OLFM2: variants seen among roughly 807,000 people sequenced by gnomAD.
The protein encoded by OLFM2 is noelin-2.
In OLFM2, 20 loss-of-function variants were observed where a neutral mutation model predicts 43.9. That is an observed-to-expected ratio of 0.46 (90% CI 0.32 to 0.66). The LOEUF (loss-of-function observed/expected upper bound fraction) is 0.66, where lower values mean the gene tolerates loss of function less well. OLFM2 is among the 30% of genes least tolerant of loss of function. The pLI is 0.04. For missense variants in OLFM2, 416 were observed against 643.6 expected, an observed-to-expected ratio of 0.65 and a Z score of 3.83; for synonymous variants, 268 against 278.6, an observed-to-expected ratio of 0.96 and a Z score of 0.38.
intron 1 of OLFM2, among the ~76,000 whole-genome samples, chr19:9,869,595 T>G (rs2046427707): frequency 6.6e-6 from 1 of 152,182 alleles, no homozygotes; most frequent in African/African-American, 2.4e-5. Flanking sequence ...TAGTAAGAGC[T>G]ACACAAGTGT....
At chr19:9,916,211 G>A (rs537933466) in intron 1 of OLFM2, among the ~76,000 whole-genome samples, 1 of 152,154 alleles carries the variant, frequency 6.6e-6, no homozygotes, top group African/African-American at 2.4e-5. Flanking sequence ...ACAAAAGTTA[G>A]CCGGGTATGG....
At chr19:9,859,395 C>T (rs959487113) in intron 2 of OLFM2, among the ~76,000 whole-genome samples, 1 of 152,140 alleles carries the variant, frequency 6.6e-6, no homozygotes, top group Non-Finnish European at 1.5e-5. Flanking sequence ...CAGCTCACTG[C>T]AACCTCCACC....
intron 1 of OLFM2, among the ~76,000 whole-genome samples, chr19:9,888,882 C>G (rs959719912): frequency 2.0e-5 from 3 of 151,808 alleles, no homozygotes; most frequent in Non-Finnish European, 2.9e-5. Flanking sequence ...CTGGCTAACA[C>G]GGTGAAACCC....
chr19:9,867,649 A>G (rs2046412767), intron 1 of OLFM2, among the ~76,000 whole-genome samples: 2 of 152,194 alleles, frequency 1.3e-5, no homozygotes, highest in Non-Finnish European at 2.9e-5. Flanking sequence ...GGATATGTAA[A>G]ATACCATAAG....
chr19:9,860,548 T>G, intron 2 of OLFM2, 97 bp downstream of exon 2: 2 of 1,341,458 alleles, frequency 1.5e-6, no homozygotes, highest in African/African-American at 1.5e-5. Context: ...TTTGCATAGC[T>G]GGATATGGCC....
At position 9,854,440 on chromosome 19, in the gene OLFM2, C is replaced by G; in HGVS notation, c.1111G>C (p.Gly371Arg). 1.2e-6 allele frequency: 2 copies of G among 1,614,206 alleles called. No individual in the cohort carries two copies. The highest frequency in any genetic ancestry group is 1.7e-6 in the Non-Finnish European group (2 of 1,180,050). ...WDTGYPKRSA[G>R]EAFMICGVLY... ...ACACCGCAGATCATGAAGGCCTCGC[C>G]AGCGCTGCGCTTGGGGTAGCCGGTG... Residue 371 changes from glycine to arginine, a missense_variant, in exon 6 of 6, where the codon GGC becomes CGC. Transcript: ENST00000264833. The surrounding 1 kb of genome is among the most constrained non-coding windows in gnomAD (Gnocchi z 9.5).
intron 1 of OLFM2, among the ~76,000 whole-genome samples, chr19:9,885,625 G>T (rs188565419): frequency 6.6e-6 from 1 of 152,284 alleles, no homozygotes; most frequent in East Asian, 1.9e-4. Context: ...ACTCCCAGGG[G>T]CAGCTAATGA....
At position 9,857,256 on chromosome 19, in the gene OLFM2, G is replaced by A. The variant is rs1282078001; in HGVS notation, c.580+7C>T. 6.2e-7 allele frequency: 1 copy of A among 1,612,872 alleles called. No individual in the cohort carries two copies. The highest frequency in any genetic ancestry group is 1.3e-5 in the African/African-American group (1 of 74,918). ...ATCAGGGGTCAGGGTCAAGGGCCAAGGCATACCCAGCTTCTGGGCGCAGGC... is the reference window on the plus strand; with the variant it reads ...ATCAGGGGTCAGGGTCAAGGGCCAAAGCATACCCAGCTTCTGGGCGCAGGC... On this transcript the variant is annotated splice_region_variant and intron_variant, in intron 4 of 5. Coordinates refer to ENST00000264833, the MANE Select transcript of OLFM2 (RefSeq NM_058164.4). This position sits in a 1 kb window ranked among gnomAD's most constrained non-coding sequence, Gnocchi z 5.7.
chr19:9,911,862 T>G (rs1004207642), intron 1 of OLFM2, among the ~76,000 whole-genome samples: 6 of 152,194 alleles, frequency 3.9e-5, no homozygotes, highest in Non-Finnish European at 1.5e-5. Flanking sequence ...CCTTCTCAGA[T>G]GGCAACGGCA....
chr19:9,925,425 A>G (rs1358014099), intron 1 of OLFM2, among the ~76,000 whole-genome samples: 2 of 152,096 alleles, frequency 1.3e-5, no homozygotes, highest in Non-Finnish European at 2.9e-5. Flanking sequence ...TAGTTCTTCA[A>G]AAACTTAAAA....
rs183850992 is a variant in OLFM2 at position 9,904,660 on chromosome 19, G to A, written c.63+31644C>T. 6.0e-4 allele frequency among the ~76,000 whole-genome samples: 91 copies of A among 152,102 alleles called. 1 individual carries two copies. Among genetic ancestry groups the A allele is most frequent in the African/African-American group, 2.1e-3 (87 of 41,496 alleles). On this transcript the variant is annotated intron_variant, in intron 1 of 5. Transcript: ENST00000264833. The stretch of plus-strand genomic sequence containing the variant: ...TAGGACTAGAGAGATGAGGAAAACT[G>A]GGGACTCTGAAGCCACACACTGGGG...
chr19:9,856,805 A>T lies in OLFM2; in HGVS notation c.687+2T>A. 1 of 1,611,972 alleles carries T rather than the reference A, an allele frequency of 6.2e-7. No individual in the cohort carries two copies. Among genetic ancestry groups the T allele is most frequent in the Non-Finnish European group, 8.5e-7 (1 of 1,179,108 alleles). On this transcript the variant is annotated splice_donor_variant, in intron 5 of 5. Transcript: ENST00000264833. LOFTEE classifies it high-confidence loss of function. This position sits in a 1 kb window ranked among gnomAD's most constrained non-coding sequence, Gnocchi z 4.0. Reference sequence around the variant, plus strand: ...ACCCCAGGGGTGGGCGCAGTCACTCACCCGGCTATCCGCACTGGGGGCCAT... The same window carrying T: ...ACCCCAGGGGTGGGCGCAGTCACTCTCCCGGCTATCCGCACTGGGGGCCAT...
chr19:9,890,166 G>A (rs116304688), intron 1 of OLFM2, among the ~76,000 whole-genome samples: 24,515 of 151,982 alleles, frequency 0.16, 2,484 homozygotes, highest in African/African-American at 0.29. Flanking sequence ...CTGGGCTGGT[G>A]GAGACATCTA....
chr19:9,866,750 C>G (rs1226142407), intron 1 of OLFM2, among the ~76,000 whole-genome samples: 3 of 152,088 alleles, frequency 2.0e-5, no homozygotes, highest in Non-Finnish European at 4.4e-5. Context: ...CCGCCTTGGC[C>G]TCCCAAAGTG....
chr19:9,858,279 G>C, intron 2 of OLFM2: 1 of 275,834 alleles, frequency 3.6e-6, no homozygotes, highest in Non-Finnish European at 6.5e-6. Context: ...CAGACTCTAA[G>C]CTCCTTCCTT....
Position 9,930,582 on chromosome 19 carries a change from C to T in OLFM2, c.63+5722G>A, listed in dbSNP as rs146966499. Among the ~76,000 whole-genome samples the T allele has an allele frequency of 4.4e-3, 674 of 151,762 alleles. 7 individuals are homozygous for T. Among genetic ancestry groups the T allele is most frequent in the Non-Finnish European group, 8.2e-3 (558 of 67,936 alleles). ...GAAATAGGCCCGGCACCGTGGCTCA[C>T]GCCTGTAATCCCAGCACTTTGGGAG... On this transcript the variant is annotated intron_variant, in intron 1 of 5. Coordinates refer to ENST00000264833, the MANE Select transcript of OLFM2 (RefSeq NM_058164.4).
At position 9,857,236 on chromosome 19, in the gene OLFM2, G is replaced by T; in HGVS notation, c.580+27C>A. The T allele has an allele frequency of 1.3e-6, 2 of 1,599,654 alleles. No individual in the cohort carries two copies. Among genetic ancestry groups the T allele is most frequent in the South Asian group, 1.1e-5 (1 of 90,808 alleles). On this transcript the variant is annotated intron_variant, in intron 4 of 5. Coordinates refer to ENST00000264833, the MANE Select transcript of OLFM2 (RefSeq NM_058164.4). The surrounding 1 kb of genome is among the most constrained non-coding windows in gnomAD (Gnocchi z 5.7). Reference sequence around the variant, plus strand: ...GTTGGGTGTGGCAGTCAGAGATCAGGGGTCAGGGTCAAGGGCCAAGGCATA... The same window carrying T: ...GTTGGGTGTGGCAGTCAGAGATCAGTGGTCAGGGTCAAGGGCCAAGGCATA...
At chr19:9,864,893 A>T (rs2145438828) in intron 1 of OLFM2, among the ~76,000 whole-genome samples, 1 of 150,744 alleles carries the variant, frequency 6.6e-6, no homozygotes, top group Admixed American at 6.6e-5. Flanking sequence ...GGCCTCTCAA[A>T]GTGCTGGTAT....
intron 1 of OLFM2, among the ~76,000 whole-genome samples, chr19:9,872,635 G>A (rs1453279340): frequency 1.3e-5 from 2 of 152,160 alleles, no homozygotes; most frequent in Non-Finnish European, 2.9e-5. Context: ...GGTCGGGGAG[G>A]GGTCAGGATA....
Sources: gnomAD v4.1 joint callset for allele counts (sites outside exome capture counted in the v4.1 genomes callset) on GRCh38, gnomAD v4.1.1 for gene constraint, Gnocchi (gnomAD v3.1) non-coding constraint, MANE v1.5 for transcripts, NCBI Gene and HGNC (gene_info 2026-07-23, HGNC 2026-07-21) for gene names.